Variants in APOOL observed in about 807,000 individuals in gnomAD.
APOOL encodes the protein apolipoprotein O like.
A neutral mutation model predicts 23.1 loss-of-function variants in APOOL; 12 were observed. That is an observed-to-expected ratio of 0.52 (90% CI 0.33 to 0.84). APOOL has a LOEUF of 0.84. Among genes scored for constraint, APOOL ranks in the 40% least tolerant of loss-of-function variants. APOOL has a pLI of 0.02. For missense variants in APOOL, 212 were observed against 199.6 expected (o/e 1.06, Z -0.37); for synonymous variants, 77 against 69.9 (o/e 1.10, Z -0.51).
chrX:85,036,999 TAATGGCCTCC>T (rs754764479), intron 1 of APOOL, among the ~76,000 whole-genome samples: 1 of 111,858 alleles, frequency 8.9e-6, no homozygotes, highest in South Asian at 3.7e-4. Flanking sequence ...TCACTTAGAC[TAATGGCCTCC>T]AACTCCATCC....
At chrX:85,049,918 A>G (rs984989797) in intron 2 of APOOL, among the ~76,000 whole-genome samples, 1 of 112,020 alleles carries the variant, frequency 8.9e-6, no homozygotes. Context: ...TAGAAACATG[A>G]TGGACAAACA....
At chrX:85,083,559 G>A (rs919450986) in intron 8 of APOOL, among the ~76,000 whole-genome samples, 2 of 111,343 alleles carry the variant, frequency 1.8e-5, no homozygotes, top group Non-Finnish European at 3.8e-5. Context: ...CCAAACTGAA[G>A]CACACAGAGA....
chrX:85,005,806 C>T (rs991182397), intron 1 of APOOL, among the ~76,000 whole-genome samples: 1 of 111,325 alleles, frequency 9.0e-6, no homozygotes, highest in African/African-American at 3.3e-5. Context: ...CTCTGACGCT[C>T]AAAAGGAGAG....
chrX:85,020,033 G>T (rs891530271), intron 1 of APOOL, among the ~76,000 whole-genome samples: 1 of 111,788 alleles, frequency 8.9e-6, no homozygotes, highest in African/African-American at 3.3e-5. Context: ...TAGTGGGAAT[G>T]CATCCTCAGT....
At chrX:85,074,179 G>A in intron 7 of APOOL, 68 bp downstream of exon 7, 1 of 1,143,643 alleles carries the variant, frequency 8.7e-7, no homozygotes, top group Non-Finnish European at 1.2e-6. Context: ...CTTGTAATGA[G>A]GGTACTGGAC....
chrX:85,071,954 CATGGTGGCGTGGGT>C (rs968684882), intron 6 of APOOL, among the ~76,000 whole-genome samples: 3 of 110,989 alleles, frequency 2.7e-5, no homozygotes, highest in African/African-American at 6.5e-5. Flanking sequence ...ATTAGCCGGG[CATGGTGGCGTGGGT>C]ATGGTGGCGT....
chrX:85,059,182 C>A (rs1179177306), intron 5 of APOOL, among the ~76,000 whole-genome samples: 2 of 109,654 alleles, frequency 1.8e-5, no homozygotes, highest in Non-Finnish European at 3.8e-5. Context: ...CCAGTTTCAT[C>A]CATGTCCCTA....
At chrX:85,031,565 G>C (rs922064173) in intron 1 of APOOL, among the ~76,000 whole-genome samples, 29 of 111,813 alleles carry the variant, frequency 2.6e-4, no homozygotes, top group African/African-American at 9.4e-4. Flanking sequence ...AATTGAGCCA[G>C]TCCTTCAGTG....
At chrX:85,054,429 T>C (rs1246248268) in intron 4 of APOOL, 31 bp downstream of exon 4, 3 of 1,113,370 alleles carry the variant, frequency 2.7e-6, no homozygotes, top group Non-Finnish European at 1.2e-6. Context: ...AAATGTTTTA[T>C]TGTGTTTTTA....
At chrX:85,077,991 C>G (rs1923926258) in intron 8 of APOOL, among the ~76,000 whole-genome samples, 1 of 111,003 alleles carries the variant, frequency 9.0e-6, no homozygotes, top group African/African-American at 3.3e-5. Context: ...GGATATTAAC[C>G]CTTTGTCAGA....
At chrX:85,008,654 T>C (rs995892498) in intron 1 of APOOL, among the ~76,000 whole-genome samples, 3 of 109,999 alleles carry the variant, frequency 2.7e-5, no homozygotes, top group Non-Finnish European at 5.7e-5. Context: ...TTTTGGCTGT[T>C]GTGAATAATA....
intron 2 of APOOL, among the ~76,000 whole-genome samples, chrX:85,050,623 T>A (rs142342219): frequency 3.1e-4 from 32 of 103,835 alleles, no homozygotes; most frequent in East Asian, 1.5e-3. Context: ...AAAAAAAAAA[T>A]TTTTTTTTAA....
At chrX:85,034,772 G>C (rs761508907) in intron 1 of APOOL, among the ~76,000 whole-genome samples, 8 of 112,024 alleles carry the variant, frequency 7.1e-5, no homozygotes, top group Non-Finnish European at 1.1e-4. Context: ...CTGCATCCAT[G>C]TTGCTGTAAA....
intron 1 of APOOL, among the ~76,000 whole-genome samples, chrX:85,007,437 A>G (rs1921117236): frequency 8.9e-6 from 1 of 111,787 alleles, no homozygotes; most frequent in Non-Finnish European, 1.9e-5. Context: ...ATTTATGGCC[A>G]TAGTGAGAAA....
At chrX:85,059,821 G>A (rs1311420092) in intron 5 of APOOL, among the ~76,000 whole-genome samples, 1 of 111,005 alleles carries the variant, frequency 9.0e-6, no homozygotes, top group African/African-American at 3.3e-5. Context: ...CTCCCATTCT[G>A]TAGGTTGCCT....
At chrX:85,036,594 G>T (rs1034374561) in intron 1 of APOOL, among the ~76,000 whole-genome samples, 1 of 111,874 alleles carries the variant, frequency 8.9e-6, no homozygotes, top group African/African-American at 3.2e-5. Flanking sequence ...TTAGATGTTG[G>T]CTATGAGTTT....
chrX:85,073,357 A>T (rs1224317225), intron 6 of APOOL, among the ~76,000 whole-genome samples: 1 of 111,602 alleles, frequency 9.0e-6, no homozygotes, highest in Non-Finnish European at 1.9e-5. Context: ...TCAGAAGTAG[A>T]TTTTCAAAGA....
intron 5 of APOOL, among the ~76,000 whole-genome samples, chrX:85,057,553 G>A (rs1449560563): frequency 3.9e-5 from 4 of 103,551 alleles, no homozygotes; most frequent in South Asian, 8.5e-4. Context: ...TTCTTATTGT[G>A]TATATATATA....
In APOOL at chrX:85,022,706, T is replaced by C. The variant is rs1407822207; in HGVS notation, c.15+18779T>C. 2.7e-5 allele frequency among the ~76,000 whole-genome samples: 3 copies of C among 111,486 alleles called. No homozygotes were observed. In the Admixed American group the frequency reaches 2.9e-4, roughly 11 times the overall value. On this transcript the variant is annotated intron_variant, in intron 1 of 8. Transcript: ENST00000373173. ...AAGACAAGGATGCCCACTCTTGCCA[T>C]TTCTATTTAATATAGTACTGGAAGT... is the stretch of plus-strand genomic sequence containing the variant.
Sources: gnomAD v4.1 joint callset for allele counts (sites outside exome capture counted in the v4.1 genomes callset) on GRCh38, gnomAD v4.1.1 for gene constraint, MANE v1.5 for transcripts, NCBI Gene and HGNC (gene_info 2026-07-23, HGNC 2026-07-21) for gene names.